Variants in SLC12A5 observed in about 807,000 individuals in gnomAD.
The protein encoded by SLC12A5 is K-Cl cotransporter 2.
A neutral mutation model predicts 124.0 loss-of-function variants in SLC12A5; 18 were observed. The ratio of observed to expected loss-of-function variants is 0.15; its 90% CI spans 0.10 to 0.22. The LOEUF is 0.22. SLC12A5 is among the 10% of genes least tolerant of loss of function. The pLI, the probability that SLC12A5 is intolerant of heterozygous loss-of-function variation, is 1.00. For synonymous variants in SLC12A5, 589 were observed against 568.0 expected (o/e 1.04, Z -0.53); for missense variants, 867 against 1,478.7 (o/e 0.59, Z 6.78).
At chr20:46,044,815 A>C (rs1452857781) in intron 11 of SLC12A5, 151 bp from the exon 12 acceptor site, 16 of 821,758 alleles carry the variant, frequency 1.9e-5, no homozygotes, top group Non-Finnish European at 2.5e-5. Flanking sequence ...GGAAAAAACA[A>C]TGGAACATTT....
At chr20:46,029,194 G>C, upstream of SLC12A5, 1 of 1,441,524 alleles carries the variant, frequency 6.9e-7, no homozygotes, top group Non-Finnish European at 9.1e-7. Context: ...GTGCGAGTGT[G>C]TGTGCGCCGG....
Position 46,048,072 on chromosome 20 carries a change from A to G in SLC12A5, c.1999A>G (p.Thr667Ala). 6.2e-7 allele frequency: 1 copy of G among 1,611,994 alleles called. No homozygotes were observed. Among genetic ancestry groups the G allele is most frequent in the Non-Finnish European group, 8.5e-7 (1 of 1,178,962 alleles). Residue 667 changes from threonine (T) to alanine (A), a missense_variant, in exon 16 of 26, where the codon ACC (threonine) becomes GCC (alanine). Thr to Ala is a moderately conservative substitution (Grantham distance 58). This residue lies in a region of SLC12A5 where 38 missense variants were observed against 36.2 expected (regional missense o/e 1.05). Transcript: ENST00000243964. ...LLRLEEGPPHTKNWRPQLLVL... is the reference protein window; with the variant it reads ...LLRLEEGPPHAKNWRPQLLVL... The stretch of plus-strand genomic sequence containing the variant: ...ACGCCTGGAGGAAGGGCCCCCACAC[A>G]CCAAGAACTGGAGGTTAGTGGTGAG...
At chr20:46,029,086 C>A (rs1036748374), upstream of SLC12A5, 15 of 1,317,644 alleles carry the variant, frequency 1.1e-5, no homozygotes, top group East Asian at 1.5e-4. Flanking sequence ...CGCTCTCCCC[C>A]CAAAACCCCG....
upstream of SLC12A5, among the ~76,000 whole-genome samples, chr20:46,028,387 G>A (rs2145472217): frequency 6.6e-6 from 1 of 152,192 alleles, no homozygotes; most frequent in African/African-American, 2.4e-5. Flanking sequence ...TGCCTCTTCT[G>A]CTCCTCCTCA....
exon 1 of SLC12A5, chr20:46,021,863 A>G: frequency 1.3e-6 from 2 of 1,529,914 alleles, no homozygotes; most frequent in South Asian, 1.2e-5. Flanking sequence ...GACCCCCGCC[A>G]CCTCCCGGGG....
rs35804246 is a variant in SLC12A5 at position 46,043,241 on chromosome 20, C to T, written c.1155C>T (p.Ile385=). The T allele has an allele frequency of 0.028, 44,701 of 1,613,964 alleles. 1,179 individuals are homozygous for T. The highest frequency in any genetic ancestry group is 0.14 in the Admixed American group (8,430 of 59,984). The change falls in exon 9 of 26, where the codon ATC becomes ATT. Residue 385 remains isoleucine (I), a synonymous_variant. Coordinates refer to ENST00000243964, the MANE Select transcript of SLC12A5 (RefSeq NM_020708.5). ...TSVGLADGTP[I]DMDHPYVFSD... is the part of the protein sequence containing the mutation. The stretch of plus-strand genomic sequence containing the variant: ...TGGGCCTGGCCGATGGCACTCCTAT[C>T]GACATGGACCACCCTTATGTCTTCA...
At chr20:46,034,244 C>T (rs1414865956) in intron 1 of SLC12A5, among the ~76,000 whole-genome samples, 1 of 152,234 alleles carries the variant, frequency 6.6e-6, no homozygotes, top group East Asian at 1.9e-4. Context: ...CATTCTTCAG[C>T]TCTCAGCGGA....
At chr20:46,037,420 G>T (rs376886218) in intron 6 of SLC12A5, 35 bp downstream of exon 6, 36 of 1,583,218 alleles carry the variant, frequency 2.3e-5, no homozygotes, top group African/African-American at 1.9e-4. Flanking sequence ...TGGAACCCCA[G>T]GTTGTCAGTC....
At chr20:46,039,022 A>G (rs539955364) in intron 6 of SLC12A5, among the ~76,000 whole-genome samples, 58 of 152,362 alleles carry the variant, frequency 3.8e-4, no homozygotes, top group African/African-American at 1.4e-3. Flanking sequence ...GGGAATATCC[A>G]AGTCATGAAA....
chr20:46,025,805 G>A (rs79439130), upstream of SLC12A5, among the ~76,000 whole-genome samples: 5,963 of 152,268 alleles, frequency 0.039, 155 homozygotes, highest in East Asian at 0.13. Flanking sequence ...TGGGGCATGC[G>A]GGTGGGGAAG....
chr20:46,036,946 G>T, intron 5 of SLC12A5, 151 bp downstream of exon 5: 1 of 1,053,268 alleles, frequency 9.5e-7, no homozygotes, highest in Non-Finnish European at 1.4e-6. Context: ...TGGGGGCAGA[G>T]GAGGAGGCAG....
chr20:46,046,407 C>T lies in SLC12A5; in HGVS notation c.1758C>T (p.Asn586=). Residue 586 remains asparagine (N), a synonymous_variant, in exon 14 of 26, where the codon AAC becomes AAT. Coordinates refer to ENST00000243964, the MANE Select transcript of SLC12A5 (RefSeq NM_020708.5). The stretch of plus-strand genomic sequence containing the variant: ...TGCAGACGCTGCTGAGGACACCCAA[C>T]TGGAGGCCACGCTTTCGATATTACC... ...CAVQTLLRTP[N]WRPRFRYYHW... is the part of the protein sequence containing the mutation. 6.2e-7 allele frequency: 1 copy of T among 1,614,212 alleles called. No homozygotes were observed. Among genetic ancestry groups the T allele is most frequent in the Non-Finnish European group, 8.5e-7 (1 of 1,180,034 alleles).
At chr20:46,054,284 A>G (rs1005735379) in intron 20 of SLC12A5, among the ~76,000 whole-genome samples, 8 of 152,230 alleles carry the variant, frequency 5.3e-5, no homozygotes, top group Admixed American at 2.0e-4. Context: ...AAATACAGTA[A>G]TCTTAAGGGA....
rs2084584862 is a variant in SLC12A5, at chr20:46,045,269, A to C, written c.1569+129A>C. The C allele has an allele frequency of 8.9e-7, 1 of 1,128,010 alleles. No homozygotes were observed. The highest frequency in any genetic ancestry group is 1.2e-6 in the Non-Finnish European group (1 of 822,304). 69.9% of individuals were successfully genotyped at this position (1,128,010 alleles called of 1,614,324 possible). ...CTGGGCCACTTCTGCTCTGTACTGC[A>C]CTGGCCAGGCCTATCTGGCAGGGTC... On this transcript the variant is annotated intron_variant, in intron 12 of 25. Coordinates refer to ENST00000243964, the MANE Select transcript of SLC12A5 (RefSeq NM_020708.5). The surrounding 1 kb of genome is among the most constrained non-coding windows in gnomAD (Gnocchi z 4.9).
rs928151009 is a variant in SLC12A5 at position 46,034,638 on chromosome 20, C to T, written c.53-310C>T. Among the ~76,000 whole-genome samples the T allele has an allele frequency of 1.1e-4, 17 of 152,144 alleles. 1 individual carries two copies. The highest frequency in any genetic ancestry group is 4.1e-4 in the African/African-American group (17 of 41,412). On this transcript the variant is annotated intron_variant, in intron 1 of 25. Coordinates refer to ENST00000243964, the MANE Select transcript of SLC12A5 (RefSeq NM_020708.5). ...GGAAAGAACATGCCTCCACCCCAAACACCGGTATGAGCCCAGCTATAGTTA... is the reference window on the plus strand; with the variant it reads ...GGAAAGAACATGCCTCCACCCCAAATACCGGTATGAGCCCAGCTATAGTTA...
chr20:46,046,475 C>A (rs565542624), intron 14 of SLC12A5, 39 bp downstream of exon 14: 60 of 1,568,412 alleles, frequency 3.8e-5, no homozygotes, highest in Middle Eastern at 3.4e-4. Context: ...GAGCCACTTG[C>A]TCACCTCCAC....
intron 7 of SLC12A5, chr20:46,041,094 A>AAC (rs1360907999): frequency 2.1e-6 from 1 of 482,846 alleles, no homozygotes; most frequent in African/African-American, 2.0e-5. Context: ...ACGGTGCTGA[A>AAC]ACACAGCATT....
intron 1 of SLC12A5, among the ~76,000 whole-genome samples, chr20:46,033,166 T>TG (rs2084468424): frequency 6.6e-6 from 1 of 152,156 alleles, no homozygotes; most frequent in South Asian, 2.1e-4. Context: ...GGCCATGCTC[T>TG]GGCTGGGTGA....
Position 46,030,162 on chromosome 20 carries a change from C to T in SLC12A5, c.52+766C>T, listed in dbSNP as rs374564520. 5.3e-5 allele frequency among the ~76,000 whole-genome samples: 8 copies of T among 152,258 alleles called. No individual in the cohort carries two copies. The South Asian group carries it at 1.4e-3, about 28-fold the overall frequency. ...CTATTCAGGACGGGAAGCAAGATCACCCTCCTTTCTTCCCTCTTTCCCCCT... is the reference window on the plus strand; with the variant it reads ...CTATTCAGGACGGGAAGCAAGATCATCCTCCTTTCTTCCCTCTTTCCCCCT... On this transcript the variant is annotated intron_variant, in intron 1 of 25. Coordinates refer to ENST00000243964, the MANE Select transcript of SLC12A5 (RefSeq NM_020708.5).
Sources: allele counts gnomAD v4.1 joint callset (sites outside exome capture counted in the v4.1 genomes callset), GRCh38; gene constraint gnomAD v4.1.1; regional missense constraint gnomAD v4.1.1; non-coding constraint Gnocchi (gnomAD v3.1); transcripts MANE v1.5; gene names NCBI Gene and HGNC (gene_info 2026-07-23, HGNC 2026-07-21).